DCLK2: variants seen among roughly 807,000 people sequenced by gnomAD.
DCLK2 encodes doublecortin like kinase 2.
In DCLK2, 31 loss-of-function variants were observed where a neutral mutation model predicts 78.4. The observed-to-expected ratio is 0.40, with a 90% CI of 0.30 to 0.53. The LOEUF (loss-of-function observed/expected upper bound fraction) is 0.53, where lower values mean the gene tolerates loss of function less well. Ranked by LOEUF, DCLK2 falls within the 20% of genes least tolerant of loss-of-function variation. The probability of loss-of-function intolerance (pLI) is 0.61; values close to 1 mark genes in which losing one functional copy is unlikely to be tolerated. For synonymous variants in DCLK2, 407 were observed against 374.9 expected, an observed-to-expected ratio of 1.09 and a Z score of -0.99; for missense variants, 872 against 973.7, an observed-to-expected ratio of 0.90 and a Z score of 1.39.
At chr4:150,228,512 C>T (rs1210815168) in intron 8 of DCLK2, among the ~76,000 whole-genome samples, 1 of 152,120 alleles carries the variant, frequency 6.6e-6, no homozygotes, top group Non-Finnish European at 1.5e-5. Context: ...TAACCAAAAC[C>T]TCCACAAGCT....
intron 2 of DCLK2, among the ~76,000 whole-genome samples, chr4:150,136,979 CTTTTTTTTTTTTT>C (rs35729685): frequency 1.2e-5 from 1 of 82,406 alleles, no homozygotes; most frequent in African/African-American, 4.5e-5. Context: ...TCTTCTTCTT[CTTTTTTTTTTTTT>C]TTTTTTTTTG....
intron 1 of DCLK2, among the ~76,000 whole-genome samples, chr4:150,086,510 T>A (rs201739800): frequency 3.6e-3 from 438 of 120,440 alleles, no homozygotes; most frequent in East Asian, 0.023. Flanking sequence ...CTTTTTATTT[T>A]TTTTTTTTTT....
chr4:150,128,002 T>G (rs1395908650), intron 2 of DCLK2, among the ~76,000 whole-genome samples: 1 of 152,234 alleles, frequency 6.6e-6, no homozygotes, highest in Non-Finnish European at 1.5e-5. Flanking sequence ...CTGTGGGTAT[T>G]GCAGGCATCT....
intron 4 of DCLK2, among the ~76,000 whole-genome samples, chr4:150,200,801 T>C (rs1739393940): frequency 6.6e-6 from 1 of 152,198 alleles, no homozygotes; most frequent in Non-Finnish European, 1.5e-5. Context: ...CTAAATAGTA[T>C]GTAAAAAGCA....
intron 1 of DCLK2, among the ~76,000 whole-genome samples, chr4:150,100,546 CCTT>C (rs1322798548): frequency 2.0e-5 from 3 of 152,106 alleles, no homozygotes; most frequent in Non-Finnish European, 4.4e-5. Context: ...AAAAAAATTA[CCTT>C]CTTTTGCTAA....
intron 2 of DCLK2, among the ~76,000 whole-genome samples, chr4:150,124,244 C>T (rs914780440): frequency 4.6e-5 from 7 of 152,028 alleles, no homozygotes; most frequent in Non-Finnish European, 7.4e-5. Context: ...GGACTGTTAG[C>T]GATGAAGCAA....
chr4:150,154,735 A>AG (rs1262580881), intron 2 of DCLK2, among the ~76,000 whole-genome samples: 1 of 152,166 alleles, frequency 6.6e-6, no homozygotes, highest in Non-Finnish European at 1.5e-5. Context: ...TTGTCATGGT[A>AG]GGAAGCTTAT....
chr4:150,078,558 G>T lies in DCLK2; in HGVS notation c.-470G>T, dbSNP rs2150122683. 1 of 151,316 alleles carries T rather than the reference G, an allele frequency of 6.6e-6. No homozygotes were observed. The highest frequency in any genetic ancestry group is 1.5e-5 in the Non-Finnish European group (1 of 67,772). 9.4% of individuals were successfully genotyped at this position (151,316 alleles called of 1,614,324 possible). A position where few individuals can be genotyped will look rare whatever the true frequency, so the allele number is the denominator to read the frequency against. ...CTGGGCCCGCGCGACTCCCCCGGGG[G>T]CCTCTCCCACGCTCCGCGCCCCGCC... On this transcript the variant is annotated 5_prime_UTR_variant, in exon 1 of 16. Transcript: ENST00000296550.
chr4:150,188,778 G>A (rs540027530), intron 2 of DCLK2, among the ~76,000 whole-genome samples: 57 of 151,820 alleles, frequency 3.8e-4, no homozygotes, highest in Middle Eastern at 6.8e-3. Flanking sequence ...GGCAGTGGGC[G>A]CCTGTAATCC....
At chr4:150,198,911 C>CA in intron 4 of DCLK2, 3 of 144,776 alleles carry the variant, frequency 2.1e-5, no homozygotes, top group Admixed American at 9.8e-5. Context: ...CCTTTCAGCA[C>CA]CCCCCCCCCC....
At chr4:150,189,903 G>A in intron 2 of DCLK2, among the ~76,000 whole-genome samples, 1 of 151,898 alleles carries the variant, frequency 6.6e-6, no homozygotes, top group East Asian at 1.9e-4. Context: ...ACACTAAAGG[G>A]TGGTCAGGCT....
intron 2 of DCLK2, among the ~76,000 whole-genome samples, chr4:150,138,821 A>G (rs1264911356): frequency 2.0e-5 from 3 of 152,012 alleles, no homozygotes; most frequent in East Asian, 1.9e-4. Flanking sequence ...GCCTGCCACC[A>G]TGCCCAGCTA....
At chr4:150,251,936 C>G (rs944253976) in intron 15 of DCLK2, among the ~76,000 whole-genome samples, 80 of 151,980 alleles carry the variant, frequency 5.3e-4, no homozygotes, top group Non-Finnish European at 9.0e-4. Context: ...TGTGCTCTCC[C>G]TCTCTCCCTC....
intron 1 of DCLK2, among the ~76,000 whole-genome samples, chr4:150,092,197 T>C (rs1208897306): frequency 6.6e-6 from 1 of 152,168 alleles, no homozygotes; most frequent in Non-Finnish European, 1.5e-5. Context: ...ATTTTCCTTA[T>C]CAGTTCATCC....
At chr4:150,227,110 G>C (rs2126551348) in intron 8 of DCLK2, among the ~76,000 whole-genome samples, 1 of 152,264 alleles carries the variant, frequency 6.6e-6, no homozygotes, top group South Asian at 2.1e-4. Flanking sequence ...TTCCAAAAAA[G>C]TCACACAGAG....
At chr4:150,222,865 CAAAA>C (rs879903066) in intron 7 of DCLK2, among the ~76,000 whole-genome samples, 1 of 123,226 alleles carries the variant, frequency 8.1e-6, no homozygotes, top group African/African-American at 3.0e-5. Flanking sequence ...GACTGTGTCT[CAAAA>C]AAAAAAAAAA....
At chr4:150,118,968 T>G (rs2150178955) in intron 2 of DCLK2, among the ~76,000 whole-genome samples, 1 of 152,134 alleles carries the variant, frequency 6.6e-6, no homozygotes. Context: ...GAGGTTGCAG[T>G]GAGCTGAGAT....
intron 2 of DCLK2, among the ~76,000 whole-genome samples, chr4:150,127,092 A>G (rs1212847524): frequency 1.3e-5 from 2 of 152,226 alleles, no homozygotes; most frequent in African/African-American, 4.8e-5. Flanking sequence ...AACAGAAGGT[A>G]TATGATCTCA....
intron 2 of DCLK2, among the ~76,000 whole-genome samples, chr4:150,180,362 C>T (rs560134909): frequency 6.6e-6 from 1 of 152,302 alleles, no homozygotes; most frequent in South Asian, 2.1e-4. Context: ...GTTCCCATTC[C>T]ATTTCTGTTG....
Sources: allele counts gnomAD v4.1 joint callset (sites outside exome capture counted in the v4.1 genomes callset), GRCh38; gene constraint gnomAD v4.1.1; transcripts MANE v1.5; gene names NCBI Gene and HGNC (gene_info 2026-07-23, HGNC 2026-07-21).